The following STAT1 variants were observed in gnomAD, a reference collection of about 807,000 sequenced individuals.
STAT1 encodes signal transducer and activator of transcription 1, also known as signal transducer and activator of transcription 1-alpha/beta.
Under a neutral mutation model 111.7 loss-of-function variants are expected in STAT1, and 24 were observed. The ratio of observed to expected loss-of-function variants is 0.21; its 90% CI spans 0.16 to 0.30. The LOEUF is 0.30. STAT1 is among the 10% of genes least tolerant of loss of function. STAT1 has a pLI of 1.00. For synonymous variants in STAT1, 332 were observed against 326.5 expected, an observed-to-expected ratio of 1.02 and a Z score of -0.18; for missense variants, 351 against 911.9, an observed-to-expected ratio of 0.38 and a Z score of 7.92.
At chr2:191,009,210 T>C in intron 3 of STAT1, 103 bp from the exon 4 acceptor site, 3 of 1,363,480 alleles carry the variant, frequency 2.2e-6, no homozygotes, top group Middle Eastern at 3.9e-4. Flanking sequence ...AAAAATAATT[T>C]AAGTATTTTC....
At position 191,000,557 on chromosome 2, in the gene STAT1, G is replaced by A. The variant is rs1157638379; in HGVS notation, c.462+517C>T. On this transcript the variant is annotated intron_variant, in intron 6 of 24. Transcript: ENST00000361099. This position sits in a 1 kb window ranked among gnomAD's most constrained non-coding sequence, Gnocchi z 4.8. ...TGGAGAGGAGTAAATGCGCACCATC[G>A]AGGACGCCAGAGCAGCCCTCTGCTT... Among the ~76,000 whole-genome samples the A allele has an allele frequency of 1.3e-5, 2 of 152,138 alleles. No homozygotes were observed. The highest frequency in any genetic ancestry group is 4.1e-4 in the South Asian group (2 of 4,830).
chr2:190,996,313 A>G lies in STAT1; in HGVS notation c.786-1094T>C, dbSNP rs1693853193. Among the ~76,000 whole-genome samples, 1 of 152,250 alleles carries G rather than the reference A, an allele frequency of 6.6e-6. No individual in the cohort carries two copies. The highest frequency in any genetic ancestry group is 1.5e-5 in the Non-Finnish European group (1 of 68,042). On this transcript the variant is annotated intron_variant, in intron 9 of 24. Coordinates refer to ENST00000361099, the MANE Select transcript of STAT1 (RefSeq NM_007315.4). This position sits in a 1 kb window ranked among gnomAD's most constrained non-coding sequence, Gnocchi z 4.5. Reference sequence around the variant, plus strand: ...TTTAAAAGTGTCTTCTTCCCTGGGAAAAGTATCTACTTCACTTTCTGATTT... The same window carrying G: ...TTTAAAAGTGTCTTCTTCCCTGGGAGAAGTATCTACTTCACTTTCTGATTT...
Position 191,000,160 on chromosome 2 carries a change from T to G in STAT1, c.463-456A>C, listed in dbSNP as rs563291258. 2.6e-5 allele frequency among the ~76,000 whole-genome samples: 4 copies of G among 152,358 alleles called. No individual in the cohort carries two copies. The highest frequency in any genetic ancestry group is 9.6e-5 in the African/African-American group (4 of 41,582). On this transcript the variant is annotated intron_variant, in intron 6 of 24. Transcript: ENST00000361099. The surrounding 1 kb of genome is among the most constrained non-coding windows in gnomAD (Gnocchi z 4.8). ...TCATACTTGCTGTAATTATAAACAG[T>G]GCCCTCTTGGCGGCTCAAATGCATC... is the stretch of plus-strand genomic sequence containing the variant.
chr2:190,975,602 C>A lies in STAT1; in HGVS notation c.2135+210G>T. On this transcript the variant is annotated intron_variant, in intron 23 of 24. Transcript: ENST00000361099. This position sits in a 1 kb window ranked among gnomAD's most constrained non-coding sequence, Gnocchi z 5.9. ...ATCAGTTTTGGGAAAATTTATATACCTTAAATACAAATTTGGTTTTTGGCT... is the reference window on the plus strand; with the variant it reads ...ATCAGTTTTGGGAAAATTTATATACATTAAATACAAATTTGGTTTTTGGCT... The A allele has an allele frequency of 7.0e-7, 1 of 1,428,740 alleles. No individual in the cohort carries two copies. Among genetic ancestry groups the A allele is most frequent in the Non-Finnish European group, 9.1e-7 (1 of 1,095,024 alleles). 88.5% of individuals were successfully genotyped at this position (1,428,740 alleles called of 1,614,324 possible).
chr2:191,005,821 C>T (rs931926800), intron 5 of STAT1, among the ~76,000 whole-genome samples: 1 of 152,224 alleles, frequency 6.6e-6, no homozygotes, highest in Non-Finnish European at 1.5e-5. Flanking sequence ...ACCTATTGTG[C>T]CTTTTCCCTT....
Position 190,984,227 on chromosome 2 carries a change from C to A in STAT1, c.1347+83G>T, listed in dbSNP as rs1267360944. 8.5e-7 allele frequency: 1 copy of A among 1,171,360 alleles called. No homozygotes were observed. The allele number at this position is 1,171,360 out of a possible 1,614,324, so 72.6% of individuals were successfully genotyped here. ...AACAATTAGGTAAATACCTCCAGAA[C>A]AAACACTGAGAAATAAAAATACATG... On this transcript the variant is annotated intron_variant, in intron 16 of 24. Coordinates refer to ENST00000361099, the MANE Select transcript of STAT1 (RefSeq NM_007315.4). The surrounding 1 kb of genome is among the most constrained non-coding windows in gnomAD (Gnocchi z 5.2).
At chr2:190,972,898 T>C (rs142380790) in intron 24 of STAT1, among the ~76,000 whole-genome samples, 2 of 151,210 alleles carry the variant, frequency 1.3e-5, no homozygotes, top group African/African-American at 4.9e-5. Context: ...TAAAATCACC[T>C]GAAATGGAAC....
rs925823293 is a variant in STAT1, at chr2:190,982,305, A to G, written c.1582+78T>C. 4 of 1,543,998 alleles carry G rather than the reference A, an allele frequency of 2.6e-6. No homozygotes were observed. Among genetic ancestry groups the G allele is most frequent in the Non-Finnish European group, 3.6e-6 (4 of 1,118,726 alleles). ...ACTTTTTTACCTTTAACAAAATAGCAGAGGGGAAAAGAGCAATTAGAGAGA... is the reference window on the plus strand; with the variant it reads ...ACTTTTTTACCTTTAACAAAATAGCGGAGGGGAAAAGAGCAATTAGAGAGA... On this transcript the variant is annotated intron_variant, in intron 18 of 24. Coordinates refer to ENST00000361099, the MANE Select transcript of STAT1 (RefSeq NM_007315.4). This position sits in a 1 kb window ranked among gnomAD's most constrained non-coding sequence, Gnocchi z 7.3.
rs776128669 is a variant in STAT1 at position 191,008,972 on chromosome 2, A to G, written c.264T>C (p.Arg88=). Residue 88 remains arginine, a synonymous_variant, in exon 4 of 25, where the codon CGT becomes CGC. Transcript: ENST00000361099. The part of the protein sequence containing the change: ...LLQHNIRKSK[R]NLQDNFQEDP... ...AAAAACCAGGTCATACCTGAAGATT[A>G]CGCTTGCTTTTCCTTATGTTATGCT... 2 of 1,613,772 alleles carry G rather than the reference A, an allele frequency of 1.2e-6. No homozygotes were observed. The highest frequency in any genetic ancestry group is 1.7e-6 in the Non-Finnish European group (2 of 1,179,864).
rs751609843 is a variant in STAT1 at position 191,007,673 on chromosome 2, T to C, written c.274-12A>G. 1.3e-6 allele frequency: 2 copies of C among 1,565,926 alleles called. No individual in the cohort carries two copies. ...TCCTGAAAATTATCCTAGATTTGAGTGGTTAGAACAAAAATAAATTAAAAT... is the reference window on the plus strand; with the variant it reads ...TCCTGAAAATTATCCTAGATTTGAGCGGTTAGAACAAAAATAAATTAAAAT... On this transcript the variant is annotated splice_polypyrimidine_tract_variant and intron_variant, in intron 4 of 24. Coordinates refer to ENST00000361099, the MANE Select transcript of STAT1 (RefSeq NM_007315.4). The surrounding 1 kb of genome is among the most constrained non-coding windows in gnomAD (Gnocchi z 4.2).
chr2:191,001,090 A>T lies in STAT1; in HGVS notation c.446T>A (p.Val149Glu). The T allele has an allele frequency of 6.2e-7, 1 of 1,613,572 alleles. No homozygotes were observed. The highest frequency in any genetic ancestry group is 8.5e-7 in the Non-Finnish European group (1 of 1,179,490). ...AATACTCACCATAACCTTGTCCTTC[A>T]CATTTCTGACTTTACTGTCAAGCTC... ...QKELDSKVRN[V>E]KDKVMCIEHE... The change falls in exon 6 of 25, where the codon GTG becomes GAG. Residue 149 changes from valine (V) to glutamate (E), a missense_variant. By Grantham distance (121) the Val-to-Glu change is moderately radical. Coordinates refer to ENST00000361099, the MANE Select transcript of STAT1 (RefSeq NM_007315.4).
intron 10 of STAT1, chr2:190,992,863 C>T (rs1693489944): frequency 3.3e-6 from 1 of 299,942 alleles, no homozygotes; most frequent in African/African-American, 2.3e-5. Context: ...AATCTCGGCT[C>T]ACTGCAACCT....
In STAT1 at chr2:190,976,572, T is replaced by C. The variant is rs1174526420; in HGVS notation, c.2059+268A>G. 2.0e-5 allele frequency among the ~76,000 whole-genome samples: 3 copies of C among 152,212 alleles called. No individual in the cohort carries two copies. The highest frequency in any genetic ancestry group is 4.4e-5 in the Non-Finnish European group (3 of 68,032). On this transcript the variant is annotated intron_variant, in intron 22 of 24. Coordinates refer to ENST00000361099, the MANE Select transcript of STAT1 (RefSeq NM_007315.4). The surrounding 1 kb of genome is among the most constrained non-coding windows in gnomAD (Gnocchi z 6.0). The stretch of plus-strand genomic sequence containing the variant: ...CAGTTCCTTATTTAAACCCTTTTCA[T>C]GTGGAAACAGTGATAGTAACAAATA...
Position 190,974,770 on chromosome 2 carries a change from C to T in STAT1, c.2238+60G>A. On this transcript the variant is annotated intron_variant, in intron 24 of 24. Coordinates refer to ENST00000361099, the MANE Select transcript of STAT1 (RefSeq NM_007315.4). The surrounding 1 kb of genome is among the most constrained non-coding windows in gnomAD (Gnocchi z 4.8). ...GGCCCGGGATCTGCCATGGTGCGCT[C>T]CCTGCCTCTGAGCACACACACTTAT... 7 of 1,469,934 alleles carry T rather than the reference C, an allele frequency of 4.8e-6. No homozygotes were observed. Among genetic ancestry groups the T allele is most frequent in the South Asian group, 4.5e-5 (4 of 88,048 alleles). 91.1% of individuals were successfully genotyped at this position (1,469,934 alleles called of 1,614,324 possible). A position where few individuals can be genotyped will look rare whatever the true frequency, so the allele number is the denominator to read the frequency against.
At position 190,998,023 on chromosome 2, in the gene STAT1, G is replaced by A. The variant is rs45479293; in HGVS notation, c.634-16C>T. 34,156 of 1,613,264 alleles carry A rather than the reference G, an allele frequency of 0.021. 456 individuals are homozygous for A. Among genetic ancestry groups the A allele is most frequent in the Middle Eastern group, 0.043 (263 of 6,056 alleles). On this transcript the variant is annotated splice_polypyrimidine_tract_variant and intron_variant, in intron 8 of 24. Transcript: ENST00000361099. The surrounding 1 kb of genome is among the most constrained non-coding windows in gnomAD (Gnocchi z 4.1). ...GAACTACTTCCTAAAGGCAATAGAAGAAACAAAGTGAAATAAATTCATTTT... is the reference window on the plus strand; with the variant it reads ...GAACTACTTCCTAAAGGCAATAGAAAAAACAAAGTGAAATAAATTCATTTT...
rs1220419590 is a variant in STAT1 at position 190,994,914 on chromosome 2, C to CAAA, written c.944+144_944+146dup. 6.0e-3 allele frequency: 584 copies of CAAA among 97,198 alleles called. 10 individuals carry two copies. Among genetic ancestry groups the CAAA allele is most frequent in the Middle Eastern group, 9.5e-3 (2 of 210 alleles). The allele number at this position is 97,198 out of a possible 1,614,324, so 6.0% of individuals were successfully genotyped here. ...CTGGGTGATAGGTGAGACTCTATCT[C>CAAA]AAAAAAAAAAAAAATATATATATAT... On this transcript the variant is annotated intron_variant, in intron 10 of 24. Coordinates refer to ENST00000361099, the MANE Select transcript of STAT1 (RefSeq NM_007315.4).
At position 190,976,928 on chromosome 2, in the gene STAT1, C is replaced by T. The variant is rs1435985987; in HGVS notation, c.1971G>A (p.Glu657=). 10 of 1,614,018 alleles carry T rather than the reference C, an allele frequency of 6.2e-6. No individual in the cohort carries two copies. The highest frequency in any genetic ancestry group is 8.5e-6 in the Non-Finnish European group (10 of 1,180,002). ...ACTTCAGGGGATTCTCAGGAATATT[C>T]TCAGCAGCCATGACTTTGTAATTGC... ...IIRNYKVMAA[E]NIPENPLKYL... The change falls in exon 22 of 25, where the codon GAG becomes GAA. Residue 657 remains glutamate (E), a synonymous_variant. Transcript: ENST00000361099. This position sits in a 1 kb window ranked among gnomAD's most constrained non-coding sequence, Gnocchi z 6.0.
At chr2:191,008,835 A>T (rs1006579667) in intron 4 of STAT1, 128 bp downstream of exon 4, 5 of 941,896 alleles carry the variant, frequency 5.3e-6, no homozygotes, top group Non-Finnish European at 7.9e-6. Context: ...GAAAACATAA[A>T]TGGAGTTAGT....
rs1692207063 is a variant in STAT1, at chr2:190,979,708, G to A, written c.1727+64C>T. The stretch of plus-strand genomic sequence containing the variant: ...TAGTCAAATACTGAAGCTGGACTCA[G>A]GCCTTGTCTCAACCTCGCAGCACTA... On this transcript the variant is annotated intron_variant, in intron 20 of 24. Coordinates refer to ENST00000361099, the MANE Select transcript of STAT1 (RefSeq NM_007315.4). The surrounding 1 kb of genome is among the most constrained non-coding windows in gnomAD (Gnocchi z 5.8). The A allele has an allele frequency of 5.4e-6, 7 of 1,305,898 alleles. No individual in the cohort carries two copies. The highest frequency in any genetic ancestry group is 6.7e-6 in the Non-Finnish European group (6 of 899,910). 80.9% of individuals were successfully genotyped at this position (1,305,898 alleles called of 1,614,324 possible). A position where few individuals can be genotyped will look rare whatever the true frequency, so the allele number is the denominator to read the frequency against.
Sources: allele counts gnomAD v4.1 joint callset (sites outside exome capture counted in the v4.1 genomes callset), GRCh38; gene constraint gnomAD v4.1.1; non-coding constraint Gnocchi (gnomAD v3.1); transcripts MANE v1.5; gene names NCBI Gene and HGNC (gene_info 2026-07-23, HGNC 2026-07-21).